Variants in IL1RAPL1 observed in about 807,000 individuals in gnomAD.
IL1RAPL1 encodes the protein interleukin-1 receptor accessory protein-like 1.
In IL1RAPL1, 3 loss-of-function variants were observed where a neutral mutation model predicts 48.4. That is an observed-to-expected ratio of 0.06 (90% CI 0.03 to 0.16). The LOEUF (loss-of-function observed/expected upper bound fraction) is 0.16, where lower values mean the gene tolerates loss of function less well. Ranked by LOEUF, IL1RAPL1 falls within the 10% of genes least tolerant of loss-of-function variation. IL1RAPL1 has a pLI of 1.00. For synonymous variants in IL1RAPL1, 185 were observed against 187.7 expected (o/e 0.99, Z 0.12); for missense variants, 349 against 530.6 (o/e 0.66, Z 3.36).
At chrX:29,814,226 C>T (rs758987633) in intron 6 of IL1RAPL1, among the ~76,000 whole-genome samples, 202 of 111,734 alleles carry the variant, frequency 1.8e-3, no homozygotes, top group African/African-American at 6.2e-3. Context: ...TAAGCATTCC[C>T]TTGTCTCTGT....
intron 2 of IL1RAPL1, among the ~76,000 whole-genome samples, chrX:29,126,310 A>G (rs1390812052): frequency 8.9e-6 from 1 of 112,213 alleles, no homozygotes; most frequent in Non-Finnish European, 1.9e-5. Flanking sequence ...GGGTTTCATA[A>G]TCTAAAAACA....
At chrX:29,215,503 A>T (rs1417955636) in intron 2 of IL1RAPL1, among the ~76,000 whole-genome samples, 1 of 111,684 alleles carries the variant, frequency 9.0e-6, no homozygotes, top group Non-Finnish European at 1.9e-5. Context: ...GAGGAGAAAC[A>T]GATGAGATCA....
intron 2 of IL1RAPL1, among the ~76,000 whole-genome samples, chrX:29,202,109 C>T (rs1280361080): frequency 8.9e-6 from 1 of 112,473 alleles, no homozygotes; most frequent in African/African-American, 3.2e-5. Context: ...CATATGCAAA[C>T]TATGCAACCG....
At chrX:29,456,226 A>G (rs1934737024) in intron 5 of IL1RAPL1, among the ~76,000 whole-genome samples, 1 of 112,299 alleles carries the variant, frequency 8.9e-6, no homozygotes, top group South Asian at 3.7e-4. Context: ...TGAAGTGGCA[A>G]ACATCTTGCT....
intron 6 of IL1RAPL1, among the ~76,000 whole-genome samples, chrX:29,877,403 A>G (rs991957861): frequency 3.6e-5 from 4 of 111,960 alleles, no homozygotes; most frequent in African/African-American, 1.3e-4. Context: ...TCTAGGGAAG[A>G]TGACAAATTA....
chrX:29,087,134 A>AT (rs34132994), intron 2 of IL1RAPL1, among the ~76,000 whole-genome samples: 1,465 of 84,597 alleles, frequency 0.017, 24 homozygotes, highest in African/African-American at 0.04. Flanking sequence ...TTATTTAAAA[A>AT]TTTTTTTTTT....
chrX:29,001,773 A>T (rs1187579504), intron 2 of IL1RAPL1, among the ~76,000 whole-genome samples: 1 of 111,696 alleles, frequency 9.0e-6, no homozygotes, highest in Non-Finnish European at 1.9e-5. Context: ...TCATTCTGAG[A>T]TCATCAGATA....
Position 29,829,793 on chromosome X carries a change from G to T in IL1RAPL1, c.779-87671G>T, listed in dbSNP as rs192078368. On this transcript the variant is annotated intron_variant, in intron 6 of 10. Coordinates refer to ENST00000378993, the MANE Select transcript of IL1RAPL1 (RefSeq NM_014271.4). Reference sequence around the variant, plus strand: ...TAATCTAGAAAAATTTTGATTGATAGTGTCTACTGCTTAATCTGAGAATAA... The same window carrying T: ...TAATCTAGAAAAATTTTGATTGATATTGTCTACTGCTTAATCTGAGAATAA... 8.4e-3 allele frequency among the ~76,000 whole-genome samples: 943 copies of T among 111,977 alleles called. 5 individuals are homozygous for T. The highest frequency in any genetic ancestry group is 0.029 in the African/African-American group (885 of 30,889).
chrX:29,370,784 C>A (rs1468451048), intron 3 of IL1RAPL1, among the ~76,000 whole-genome samples: 2 of 110,497 alleles, frequency 1.8e-5, no homozygotes, highest in Non-Finnish European at 3.8e-5. Context: ...AAAAGATGCT[C>A]AACCTCACAA....
chrX:28,942,054 T>C (rs935656283), intron 2 of IL1RAPL1: 1 of 109,859 alleles, frequency 9.1e-6, no homozygotes, highest in African/African-American at 3.3e-5. Context: ...GTTCCTAGTC[T>C]CTCCGTAGAG....
At chrX:28,906,508 A>G (rs1302102537) in intron 2 of IL1RAPL1, among the ~76,000 whole-genome samples, 1 of 111,875 alleles carries the variant, frequency 8.9e-6, no homozygotes, top group Admixed American at 9.5e-5. Flanking sequence ...TAAGAGTGAA[A>G]TAAGCATTAA....
intron 3 of IL1RAPL1, among the ~76,000 whole-genome samples, chrX:29,349,135 C>T (rs1033109280): frequency 6.2e-5 from 7 of 112,230 alleles, no homozygotes; most frequent in South Asian, 7.3e-4. Context: ...TAGACAGCCA[C>T]GCAGAAATAT....
chrX:29,754,348 CAG>C (rs1181309123), intron 6 of IL1RAPL1, among the ~76,000 whole-genome samples: 2 of 111,501 alleles, frequency 1.8e-5, no homozygotes, highest in African/African-American at 6.5e-5. Flanking sequence ...TTCTCCCTCA[CAG>C]TCCCATCCAT....
chrX:29,048,700 A>G (rs1927028606), intron 2 of IL1RAPL1, among the ~76,000 whole-genome samples: 1 of 112,217 alleles, frequency 8.9e-6, no homozygotes, highest in South Asian at 3.7e-4. Flanking sequence ...ATATGCATCA[A>G]ATGTTTTCTT....
At chrX:28,660,520 ATTTG>A (rs1241111327) in intron 1 of IL1RAPL1, among the ~76,000 whole-genome samples, 2 of 112,083 alleles carry the variant, frequency 1.8e-5, no homozygotes, top group East Asian at 2.8e-4. Flanking sequence ...TCAAATTCAA[ATTTG>A]TTTATTATAA....
chrX:29,513,761 A>G (rs1160008896), intron 5 of IL1RAPL1, among the ~76,000 whole-genome samples: 2 of 112,198 alleles, frequency 1.8e-5, no homozygotes, highest in Admixed American at 9.5e-5. Flanking sequence ...TTATTTTAGA[A>G]TAGCTGGAAC....
intron 2 of IL1RAPL1, among the ~76,000 whole-genome samples, chrX:29,108,520 G>A (rs2147468491): frequency 9.0e-6 from 1 of 110,675 alleles, no homozygotes; most frequent in East Asian, 2.9e-4. Flanking sequence ...TCCTGCCTTA[G>A]CCTCCTGAGT....
intron 5 of IL1RAPL1, among the ~76,000 whole-genome samples, chrX:29,559,327 G>A (rs766220826): frequency 8.1e-5 from 9 of 111,613 alleles, no homozygotes; most frequent in Non-Finnish European, 1.5e-4. Flanking sequence ...GGTAAGGCTG[G>A]CCTTGTGAAA....
At chrX:29,146,436 C>G (rs1038200190) in intron 2 of IL1RAPL1, among the ~76,000 whole-genome samples, 2 of 111,454 alleles carry the variant, frequency 1.8e-5, no homozygotes, top group African/African-American at 6.5e-5. Flanking sequence ...GCTGTTATCA[C>G]CATGTAATTT....
Sources: gnomAD v4.1 joint callset for allele counts (sites outside exome capture counted in the v4.1 genomes callset) on GRCh38, gnomAD v4.1.1 for gene constraint, MANE v1.5 for transcripts, NCBI Gene and HGNC (gene_info 2026-07-23, HGNC 2026-07-21) for gene names.